The following SYNJ2 variants were observed in gnomAD, a reference collection of about 807,000 sequenced individuals.
The protein encoded by SYNJ2 is synaptojanin 2.
Under a neutral mutation model 141.3 loss-of-function variants are expected in SYNJ2, and 116 were observed. The observed-to-expected ratio is 0.82, with a 90% confidence interval of 0.71 to 0.96. SYNJ2 has a LOEUF of 0.96. Among genes scored for constraint, SYNJ2 ranks in the 40% least tolerant of loss-of-function variants. SYNJ2 has a pLI of 0.00. For missense variants in SYNJ2, 1,873 were observed against 1,934.8 expected, an observed-to-expected ratio of 0.97 and a Z score of 0.60; for synonymous variants, 745 against 777.7, an observed-to-expected ratio of 0.96 and a Z score of 0.70.
chr6:157,989,017 T>C (rs1189560443), intron 1 of SYNJ2, among the ~76,000 whole-genome samples: 2 of 152,232 alleles, frequency 1.3e-5, no homozygotes, highest in Non-Finnish European at 2.9e-5. Context: ...TCATTCTTTC[T>C]TTCTGGAGGA....
intron 4 of SYNJ2, among the ~76,000 whole-genome samples, chr6:158,038,702 G>T (rs971156874): frequency 1.3e-5 from 2 of 152,240 alleles, no homozygotes; most frequent in African/African-American, 2.4e-5. Context: ...GGCATGGGGG[G>T]CAGTGGTGGT....
chr6:158,076,709 C>G lies in SYNJ2; in HGVS notation c.2376C>G (p.Ser792Arg), dbSNP rs141642680. ...TTGGCTCAGCCGCCTACGATACAAG[C>G]GACAAATGCCGCACCCCCGCCTGGA... is the stretch of plus-strand genomic sequence containing the variant. ...YDVGSAAYDT[S>R]DKCRTPAWTD... The change falls in exon 17 of 27, where the codon AGC (serine) becomes AGG (arginine). Residue 792 changes from serine to arginine, a missense_variant. Coordinates refer to ENST00000355585, the MANE Select transcript of SYNJ2 (RefSeq NM_003898.4). The G allele has an allele frequency of 1.9e-6, 3 of 1,614,102 alleles. No homozygotes were observed. The highest frequency in any genetic ancestry group is 2.5e-6 in the Non-Finnish European group (3 of 1,180,056).
chr6:158,004,993 C>A (rs1195951339), intron 1 of SYNJ2, among the ~76,000 whole-genome samples: 1 of 152,140 alleles, frequency 6.6e-6, no homozygotes, highest in Non-Finnish European at 1.5e-5. Flanking sequence ...CGCCCCTGAC[C>A]CCTCCAGCAT....
At chr6:158,058,871 A>G (rs1781030758) in intron 6 of SYNJ2, among the ~76,000 whole-genome samples, 2 of 152,214 alleles carry the variant, frequency 1.3e-5, no homozygotes. Context: ...AGTTTGAGGC[A>G]GCAGTGAGCT....
At chr6:158,037,516 C>T (rs1334846093) in intron 4 of SYNJ2, among the ~76,000 whole-genome samples, 2 of 151,806 alleles carry the variant, frequency 1.3e-5, no homozygotes, top group Non-Finnish European at 2.9e-5. Flanking sequence ...ATTCTCCTGC[C>T]TCAGCCTCCT....
intron 22 of SYNJ2, 61 bp from the exon 23 acceptor site, chr6:158,086,794 G>C: frequency 6.6e-7 from 1 of 1,512,740 alleles, no homozygotes; most frequent in Non-Finnish European, 8.9e-7. Flanking sequence ...GCTCAGATCC[G>C]TGTCTGACAC....
At chr6:158,019,603 C>T (rs1778651901) in intron 2 of SYNJ2, among the ~76,000 whole-genome samples, 1 of 152,176 alleles carries the variant, frequency 6.6e-6, no homozygotes, top group Non-Finnish European at 1.5e-5. Context: ...TCCTCCCTGC[C>T]TTCAGCCAGT....
At chr6:158,005,063 C>A (rs983449690) in intron 1 of SYNJ2, among the ~76,000 whole-genome samples, 7 of 148,848 alleles carry the variant, frequency 4.7e-5, no homozygotes, top group Non-Finnish European at 8.9e-5. Flanking sequence ...TCCTGCAATT[C>A]CCAGTCCCAG....
rs780230871 is a variant in SYNJ2 at position 158,095,894 on chromosome 6, C to G, written c.4021C>G (p.Pro1341Ala). Residue 1341 changes from proline to alanine, a missense_variant, in exon 27 of 27, where the codon CCC becomes GCC. Transcript: ENST00000355585. ...ACCCCCGAGGAGGAAGAAGTCAGCC[C>G]CCGCAGCCTTCCACCTGCAGGTCCT... ...KVPPRRKKSA[P>A]AAFHLQVLQS... The G allele has an allele frequency of 6.2e-7, 1 of 1,614,096 alleles. No individual in the cohort carries two copies. Among genetic ancestry groups the G allele is most frequent in the Non-Finnish European group, 8.5e-7 (1 of 1,180,014 alleles).
intron 26 of SYNJ2, among the ~76,000 whole-genome samples, chr6:158,093,668 T>C (rs1783618390): frequency 6.6e-6 from 1 of 152,192 alleles, no homozygotes; most frequent in African/African-American, 2.4e-5. Context: ...GGAGGTATTA[T>C]GCTTCCTAAG....
At chr6:158,031,741 C>T (rs1463797177) in intron 3 of SYNJ2, among the ~76,000 whole-genome samples, 5 of 152,172 alleles carry the variant, frequency 3.3e-5, no homozygotes, top group Non-Finnish European at 7.3e-5. Flanking sequence ...ATCACACTGA[C>T]AATTGCCTCC....
rs1781595304 is a variant in SYNJ2 at position 158,066,785 on chromosome 6, C to CG, written c.1717+150_1717+151insG. The CG allele has an allele frequency of 3.3e-6, 3 of 901,774 alleles. No homozygotes were observed. The Admixed American group carries it at 7.0e-5, about 21-fold the overall frequency. The allele number at this position is 901,774 out of a possible 1,614,324, so 55.9% of individuals were successfully genotyped here. A position where few individuals can be genotyped will look rare whatever the true frequency, so the allele number is the denominator to read the frequency against. On this transcript the variant is annotated intron_variant, in intron 12 of 26. Transcript: ENST00000355585. Reference sequence around the variant, plus strand: ...CTAAATAGCACCATGGCCTGACTCTCAAGAATGCTGCCTCGCAAGTAACTG... The same window carrying CG: ...CTAAATAGCACCATGGCCTGACTCTCGAAGAATGCTGCCTCGCAAGTAACTG...
chr6:158,088,526 C>G, intron 23 of SYNJ2, 134 bp from the exon 24 acceptor site: 1 of 665,732 alleles, frequency 1.5e-6, no homozygotes, highest in Non-Finnish European at 2.7e-6. Flanking sequence ...GCCCTAAGTG[C>G]CGAGTGAGTA....
chr6:158,059,460 C>T lies in SYNJ2; in HGVS notation c.954+107C>T, dbSNP rs767911762. 8.7e-6 allele frequency: 13 copies of T among 1,501,710 alleles called. No homozygotes were observed. In the South Asian group the frequency reaches 1.5e-4, roughly 18 times the overall value. The allele number at this position is 1,501,710 out of a possible 1,614,324, so 93.0% of individuals were successfully genotyped here. A position where few individuals can be genotyped will look rare whatever the true frequency, so the allele number is the denominator to read the frequency against. Reference sequence around the variant, plus strand: ...CAGGGACTGGAGCTGACAGCCCAGCCCTCCTTCGTTTCCTGAGGCTTCCCC... The same window carrying T: ...CAGGGACTGGAGCTGACAGCCCAGCTCTCCTTCGTTTCCTGAGGCTTCCCC... On this transcript the variant is annotated intron_variant, in intron 7 of 26. Transcript: ENST00000355585.
chr6:158,021,711 A>G (rs967691488), intron 2 of SYNJ2, among the ~76,000 whole-genome samples: 7 of 152,222 alleles, frequency 4.6e-5, no homozygotes, highest in Admixed American at 2.0e-4. Flanking sequence ...TCACTTCAGA[A>G]GGAGGATTCC....
chr6:157,986,691 TC>T (rs1217213225), intron 1 of SYNJ2, among the ~76,000 whole-genome samples: 4 of 152,232 alleles, frequency 2.6e-5, no homozygotes, highest in Non-Finnish European at 4.4e-5. Flanking sequence ...CTTACCAGGC[TC>T]TTGTTTTGGC....
chr6:158,087,834 G>C (rs1017903055), intron 23 of SYNJ2, among the ~76,000 whole-genome samples: 4 of 141,564 alleles, frequency 2.8e-5, no homozygotes, highest in Non-Finnish European at 4.6e-5. Context: ...GTTGAAAAAA[G>C]TCTTCTTTTT....
intron 1 of SYNJ2, among the ~76,000 whole-genome samples, chr6:158,000,541 AAAC>A (rs921295857): frequency 6.6e-6 from 1 of 152,170 alleles, no homozygotes; most frequent in Non-Finnish European, 1.5e-5. Flanking sequence ...TTTTCTCACC[AAAC>A]AACAACAAAT....
chr6:157,997,497 C>G (rs181436346), intron 1 of SYNJ2, among the ~76,000 whole-genome samples: 76 of 152,228 alleles, frequency 5.0e-4, no homozygotes, highest in African/African-American at 1.7e-3. Context: ...GACACTGCCG[C>G]AAGACAAGGA....
Sources: allele counts gnomAD v4.1 joint callset (sites outside exome capture counted in the v4.1 genomes callset), GRCh38; gene constraint gnomAD v4.1.1; transcripts MANE v1.5; gene names NCBI Gene and HGNC (gene_info 2026-07-23, HGNC 2026-07-21).